Variants in SCAMP4 observed in about 807,000 individuals in gnomAD.
SCAMP4 encodes secretory carrier-associated membrane protein 4.
In SCAMP4, 19 loss-of-function variants were observed where a neutral mutation model predicts 32.1. The ratio of observed to expected loss-of-function variants is 0.59; its 90% CI spans 0.41 to 0.87. SCAMP4 has a LOEUF of 0.87. SCAMP4 is among the 40% of genes least tolerant of loss of function. SCAMP4 has a pLI of 0.00. For missense variants in SCAMP4, 302 were observed against 309.0 expected (o/e 0.98, Z 0.17); for synonymous variants, 152 against 132.7 (o/e 1.15, Z -1.00).
chr19:1,920,447 C>A, intron 5 of SCAMP4: 1 of 609,452 alleles, frequency 1.6e-6, no homozygotes, highest in Non-Finnish European at 2.1e-6. Flanking sequence ...CCTCCTGCAC[C>A]TGCGCCTGGC....
chr19:1,906,121 A>T (rs970508245), intron 1 of SCAMP4: 2 of 152,234 alleles, frequency 1.3e-5, no homozygotes, highest in Non-Finnish European at 2.9e-5. Flanking sequence ...GCACTTTGGG[A>T]GGCCAAGGCG....
intron 5 of SCAMP4, chr19:1,920,782 A>T: frequency 1.0e-6 from 1 of 985,382 alleles, no homozygotes. Flanking sequence ...GTGCGTCCCC[A>T]GCTCTCCCAG....
rs1375325469 is a variant in SCAMP4 at position 1,908,653 on chromosome 19, AT to A, written c.-42+3218del. 9.0e-6 allele frequency: 4 copies of A among 444,126 alleles called. No homozygotes were observed. Among genetic ancestry groups the A allele is most frequent in the African/African-American group, 2.1e-5 (1 of 48,574 alleles). 27.5% of individuals were successfully genotyped at this position (444,126 alleles called of 1,614,324 possible). ...GCACACAGGTAGTAAGGTTTTTAGG[AT>A]TTTATTATTATTTATTTATTTGAAA... On this transcript the variant is annotated intron_variant, in intron 1 of 6. Transcript: ENST00000316097. This position sits in a 1 kb window ranked among gnomAD's most constrained non-coding sequence, Gnocchi z 4.2.
chr19:1,919,143 G>C, intron 5 of SCAMP4, 153 bp downstream of exon 5: 1 of 1,455,528 alleles, frequency 6.9e-7, no homozygotes, highest in Non-Finnish European at 9.0e-7. Context: ...GGCAGCGCCC[G>C]CGTCCTCGCC....
chr19:1,915,348 A>C, intron 2 of SCAMP4: 1 of 442,230 alleles, frequency 2.3e-6, no homozygotes. Context: ...TCACCCACTC[A>C]TTTACTGGCA....
At chr19:1,923,701 C>G (rs2013994828) in intron 6 of SCAMP4, among the ~76,000 whole-genome samples, 1 of 140,552 alleles carries the variant, frequency 7.1e-6, no homozygotes, top group Non-Finnish European at 1.5e-5. Context: ...TCACTGCAAG[C>G]TCCGCCTCTG....
intron 5 of SCAMP4, chr19:1,920,914 C>G (rs965814436): frequency 2.0e-6 from 2 of 985,274 alleles, no homozygotes; most frequent in African/African-American, 1.7e-5. Flanking sequence ...GCACGTGCGG[C>G]AGCAGCGACT....
intron 2 of SCAMP4, 64 bp downstream of exon 2, chr19:1,915,090 A>C: frequency 6.2e-7 from 1 of 1,602,560 alleles, no homozygotes; most frequent in African/African-American, 1.3e-5. Flanking sequence ...AGCAGTTCCC[A>C]CAGGAGCCCT....
intron 6 of SCAMP4, 111 bp from the exon 7 acceptor site, chr19:1,923,995 GAC>G (rs2014013129): frequency 3.3e-6 from 1 of 301,864 alleles, no homozygotes; most frequent in Non-Finnish European, 6.6e-6. Context: ...CCAGAGCTCA[GAC>G]AGTCTGTCTG....
intron 5 of SCAMP4, chr19:1,921,496 G>A (rs1217522992): frequency 8.1e-6 from 8 of 985,306 alleles, no homozygotes; most frequent in South Asian, 4.7e-5. Context: ...AGCGGGCGCC[G>A]CAGCCTCTAA....
At position 1,912,114 on chromosome 19, in the gene SCAMP4, C is replaced by T. The variant is rs1482874328; in HGVS notation, c.-41-2865C>T. On this transcript the variant is annotated intron_variant, in intron 1 of 6. Transcript: ENST00000316097. ...GCTGAGGATGGAGCCCGCCCCGGGCCTCGTGGAGCAGCCCAAGTGCTTGGA... is the reference window on the plus strand; with the variant it reads ...GCTGAGGATGGAGCCCGCCCCGGGCTTCGTGGAGCAGCCCAAGTGCTTGGA... The T allele has an allele frequency of 2.6e-6, 4 of 1,531,484 alleles. No individual in the cohort carries two copies. Among genetic ancestry groups the T allele is most frequent in the African/African-American group, 2.8e-5 (2 of 72,312 alleles). 94.9% of individuals were successfully genotyped at this position (1,531,484 alleles called of 1,614,324 possible).
chr19:1,911,707 C>T (rs1013315653), intron 1 of SCAMP4, among the ~76,000 whole-genome samples: 2 of 152,126 alleles, frequency 1.3e-5, no homozygotes, highest in East Asian at 1.9e-4. Context: ...AGCTTGAACC[C>T]GGGAGGCGGA....
rs1254662522 is a variant in SCAMP4 at position 1,924,751 on chromosome 19, A to G, written c.*467A>G. The G allele has an allele frequency of 4.0e-5, 8 of 197,664 alleles. No homozygotes were observed. The highest frequency in any genetic ancestry group is 2.9e-4 in the South Asian group (3 of 10,512). The allele number at this position is 197,664 out of a possible 1,614,324, so 12.2% of individuals were successfully genotyped here. ...TGGCAGATGCCCTTGGCCGGAACTA[A>G]TAAGAGGCGTCGGGGCCAGCTTCCG... On this transcript the variant is annotated 3_prime_UTR_variant, in exon 7 of 7. Coordinates refer to ENST00000316097, the MANE Select transcript of SCAMP4 (RefSeq NM_079834.4).
intron 1 of SCAMP4, 139 bp from the exon 2 acceptor site, chr19:1,914,840 G>T (rs2013675645): frequency 2.9e-6 from 2 of 695,936 alleles, no homozygotes; most frequent in African/African-American, 3.5e-5. Flanking sequence ...GTCGAGTCAG[G>T]CCTGTGGCTC....
At chr19:1,916,767 T>C (rs1276462287) in intron 2 of SCAMP4, among the ~76,000 whole-genome samples, 2 of 152,168 alleles carry the variant, frequency 1.3e-5, no homozygotes, top group Non-Finnish European at 2.9e-5. Context: ...CAGTTTCTGT[T>C]GTTCTAAGCC....
At chr19:1,923,718 A>C (rs1027059205) in intron 6 of SCAMP4, among the ~76,000 whole-genome samples, 2 of 136,780 alleles carry the variant, frequency 1.5e-5, no homozygotes, top group Non-Finnish European at 3.0e-5. Context: ...TCTGGGGTTC[A>C]TGCCATTCTC....
Position 1,912,212 on chromosome 19 carries a change from C to T in SCAMP4, c.-41-2767C>T, listed in dbSNP as rs748742711. On this transcript the variant is annotated intron_variant, in intron 1 of 6. Coordinates refer to ENST00000316097, the MANE Select transcript of SCAMP4 (RefSeq NM_079834.4). Reference sequence around the variant, plus strand: ...TCCTGTCCGAGAAGCAGTCAGGGGACGTGGAGCTGGTGCTGGCCTACGCCG... The same window carrying T: ...TCCTGTCCGAGAAGCAGTCAGGGGATGTGGAGCTGGTGCTGGCCTACGCCG... The T allele has an allele frequency of 7.5e-6, 12 of 1,592,034 alleles. No individual in the cohort carries two copies. The highest frequency in any genetic ancestry group is 6.8e-6 in the Non-Finnish European group (8 of 1,172,510).
rs935374418 is a variant in SCAMP4, at chr19:1,924,373, G to C, written c.*89G>C. The C allele has an allele frequency of 7.7e-7, 1 of 1,306,552 alleles. No individual in the cohort carries two copies. Among genetic ancestry groups the C allele is most frequent in the Admixed American group, 2.1e-5 (1 of 47,538 alleles). The allele number at this position is 1,306,552 out of a possible 1,614,324, so 80.9% of individuals were successfully genotyped here. On this transcript the variant is annotated 3_prime_UTR_variant, in exon 7 of 7. Coordinates refer to ENST00000316097, the MANE Select transcript of SCAMP4 (RefSeq NM_079834.4). ...GTCCCGAGGGCTGGGAGTACCTGGG[G>C]CCCCATCCCCCCAGCTGGGATGGTG...
chr19:1,913,882 C>T (rs961512973), intron 1 of SCAMP4, among the ~76,000 whole-genome samples: 3 of 152,226 alleles, frequency 2.0e-5, no homozygotes, highest in East Asian at 1.9e-4. Flanking sequence ...CCTCCAGACA[C>T]GCCTGCTGTG....
Sources: allele counts gnomAD v4.1 joint callset (sites outside exome capture counted in the v4.1 genomes callset), GRCh38; gene constraint gnomAD v4.1.1; non-coding constraint Gnocchi (gnomAD v3.1); transcripts MANE v1.5; gene names NCBI Gene and HGNC (gene_info 2026-07-23, HGNC 2026-07-21).